MSH6: variants seen among roughly 807,000 people sequenced by gnomAD.
MSH6 encodes the protein DNA mismatch repair protein Msh6.
A neutral mutation model predicts 119.1 loss-of-function variants in MSH6; 85 were observed. That is an observed-to-expected ratio of 0.71 (90% CI 0.60 to 0.85). MSH6 has a LOEUF of 0.85. Among genes scored for constraint, MSH6 ranks in the 40% least tolerant of loss-of-function variants. MSH6 has a pLI of 0.00. For synonymous variants in MSH6, 830 were observed against 586.9 expected, an observed-to-expected ratio of 1.41 and a Z score of -5.99; for missense variants, 2,163 against 1,655.3, an observed-to-expected ratio of 1.31 and a Z score of -5.32.
chr2:47,784,231 G>C (rs1465994720), intron 1 of MSH6: 1 of 1,002,000 alleles, frequency 1.0e-6, no homozygotes, highest in Non-Finnish European at 1.2e-6. Flanking sequence ...ATCCGGCTGG[G>C]TCCTTCGGTA....
rs193922343 is a variant in MSH6, at chr2:47,806,253, TAAAG to T, written c.3699_3702del (p.Lys1233AsnfsTer6). 3 of 1,613,990 alleles carry T rather than the reference TAAAG, an allele frequency of 1.9e-6. No individual in the cohort carries two copies. Among genetic ancestry groups the T allele is most frequent in the African/African-American group, 1.3e-5 (1 of 74,934 alleles). On this transcript the variant is annotated frameshift_variant, in exon 8 of 10. Coordinates refer to ENST00000234420, the MANE Select transcript of MSH6 (RefSeq NM_000179.3). LOFTEE classifies it high-confidence loss of function. ...GGACGGCAATAGCAAATGCAGTTGT[TAAAG>T]AACTTGCTGAGACTATAAAATGTCG...
chr2:47,803,034 C>G (rs1669698812), intron 4 of MSH6, among the ~76,000 whole-genome samples: 1 of 152,148 alleles, frequency 6.6e-6, no homozygotes, highest in Non-Finnish European at 1.5e-5. Flanking sequence ...GCCTCAGCCT[C>G]CTGCGTAGCT....
In MSH6 at chr2:47,805,173, G is replaced by GTC. The variant is rs530262234; in HGVS notation, c.3556+156_3556+157dup. 3.3e-5 allele frequency: 21 copies of GTC among 637,570 alleles called. No individual in the cohort carries two copies. In the Admixed American group the frequency reaches 4.9e-4, roughly 15 times the overall value. The allele number at this position is 637,570 out of a possible 1,614,324, so 39.5% of individuals were successfully genotyped here. A position where few individuals can be genotyped will look rare whatever the true frequency, so the allele number is the denominator to read the frequency against. Reference sequence around the variant, plus strand: ...AACATCACTTTTTAAGAACTGCATAGTCTCTCTCTCTTTTTTTTTTTTTTG... The same window carrying GTC: ...AACATCACTTTTTAAGAACTGCATAGTCTCTCTCTCTCTTTTTTTTTTTTTTG... On this transcript the variant is annotated intron_variant, in intron 6 of 9. Coordinates refer to ENST00000234420, the MANE Select transcript of MSH6 (RefSeq NM_000179.3).
chr2:47,795,380 ATGT>A (rs1297294573), intron 2 of MSH6, among the ~76,000 whole-genome samples: 9 of 151,032 alleles, frequency 6.0e-5, no homozygotes, highest in Admixed American at 2.6e-4. Context: ...ATTAGGGCAA[ATGT>A]TGTAGGTTGA....
At chr2:47,803,971 T>C (rs989997596) in intron 5 of MSH6, among the ~76,000 whole-genome samples, 2 of 152,228 alleles carry the variant, frequency 1.3e-5, no homozygotes, top group African/African-American at 4.8e-5. Flanking sequence ...GGTATATTCA[T>C]AGTGAACAAA....
chr2:47,805,644 A>G lies in MSH6; in HGVS notation c.3583A>G (p.Ser1195Gly), dbSNP rs2104523211. 1.2e-6 allele frequency: 2 copies of G among 1,613,578 alleles called. No individual in the cohort carries two copies. The highest frequency in any genetic ancestry group is 1.7e-4 in the Middle Eastern group (1 of 6,054). ...SGESTFFVEL[S>G]ETASILMHAT... Reference sequence around the variant, plus strand: ...TGAAAGTACATTTTTTGTTGAATTAAGTGAAACTGCCAGCATACTCATGCA... The same window carrying G: ...TGAAAGTACATTTTTTGTTGAATTAGGTGAAACTGCCAGCATACTCATGCA... Residue 1195 changes from serine (S) to glycine (G), a missense_variant, in exon 7 of 10, where the codon AGT becomes GGT. Ser to Gly is a moderately conservative substitution (Grantham distance 56). Transcript: ENST00000234420.
chr2:47,786,815 T>TTGAATAATAGAGGTCTCACTTTGTTGCC (rs1306653227), intron 1 of MSH6, among the ~76,000 whole-genome samples: 1 of 152,142 alleles, frequency 6.6e-6, no homozygotes, highest in Non-Finnish European at 1.5e-5. Flanking sequence ...GTTGTTGTTG[T>TTGAATAATAGAGGTCTCACTTTGTTGCC]TGAATAATAG....
At chr2:47,791,545 A>T (rs1241813571) in intron 2 of MSH6, among the ~76,000 whole-genome samples, 1 of 152,108 alleles carries the variant, frequency 6.6e-6, no homozygotes, top group Admixed American at 6.6e-5. Context: ...GTTTCACACC[A>T]AACTCCTGGA....
At chr2:47,810,093 T>C (rs998497863), downstream of MSH6, 9 of 505,046 alleles carry the variant, frequency 1.8e-5, no homozygotes, top group Admixed American at 1.1e-4. Context: ...AAATGTTTCA[T>C]AATCACGACT....
Position 47,800,803 on chromosome 2 carries a change from T to A in MSH6, c.2820T>A (p.Ala940=), listed in dbSNP as rs878853722. 6.8e-6 allele frequency: 11 copies of A among 1,614,088 alleles called. No homozygotes were observed. Among genetic ancestry groups the A allele is most frequent in the East Asian group, 6.7e-5 (3 of 44,880 alleles). ...KAGFDSDYDQ[A]LADIRENEQS... ...GCTTTGACTCTGATTATGACCAAGC[T>A]CTTGCTGACATAAGAGAAAATGAAC... The change falls in exon 4 of 10, where the codon GCT becomes GCA. Residue 940 remains alanine, a synonymous_variant. Transcript: ENST00000234420.
chr2:47,785,594 T>C (rs1668303039), intron 1 of MSH6, among the ~76,000 whole-genome samples: 1 of 152,228 alleles, frequency 6.6e-6, no homozygotes, highest in East Asian at 1.9e-4. Context: ...AATTCTGAGA[T>C]TTTTCTAAGT....
In MSH6 at chr2:47,806,449, A is replaced by G. The variant is rs778499259; in HGVS notation, c.3802-3A>G. ...TGTATCGCTAATATTTTTCTTTCTT[A>G]AGGCATGCATGGTAGAAAATGAATG... On this transcript the variant is annotated splice_region_variant and splice_polypyrimidine_tract_variant and intron_variant, in intron 8 of 9. Transcript: ENST00000234420. 6.2e-7 allele frequency: 1 copy of G among 1,613,956 alleles called. No homozygotes were observed. The highest frequency in any genetic ancestry group is 1.7e-5 in the Admixed American group (1 of 59,996).
At chr2:47,790,866 A>G (rs1474205393) in intron 1 of MSH6, 61 bp from the exon 2 acceptor site, 6 of 1,456,612 alleles carry the variant, frequency 4.1e-6, no homozygotes, top group Non-Finnish European at 5.8e-6. Context: ...TTTGTAGGTA[A>G]CTGCCTTTAA....
intron 3 of MSH6, 57 bp downstream of exon 3, chr2:47,796,120 G>T: frequency 3.2e-6 from 5 of 1,578,154 alleles, no homozygotes; most frequent in Non-Finnish European, 4.4e-6. Context: ...GGGAAGAAAG[G>T]GGGAGGGTGT....
At chr2:47,802,954 C>T (rs970971908) in intron 4 of MSH6, among the ~76,000 whole-genome samples, 5 of 152,126 alleles carry the variant, frequency 3.3e-5, no homozygotes, top group Admixed American at 2.0e-4. Context: ...CTCTGTCGCC[C>T]AGGCTGGAGT....
Position 47,805,027 on chromosome 2 carries a change from G to A in MSH6, c.3556G>A (p.Gly1186Ser), listed in dbSNP as rs1060502909. Reference sequence around the variant, plus strand: ...TGGTGCCTCAGACAGAATAATGTCAGGTGAGTTTTTTGTTTCCCACTTAAG... The same window carrying A: ...TGGTGCCTCAGACAGAATAATGTCAAGTGAGTTTTTTGTTTCCCACTTAAG... ...RLGASDRIMS[G>S]ESTFFVELSE... Residue 1186 changes from glycine to serine, a missense_variant and splice_region_variant, in exon 6 of 10, where the codon GGT becomes AGT. Physicochemically the swap from Gly to Ser is moderately conservative, Grantham distance 56. Transcript: ENST00000234420. 1 of 1,607,238 alleles carries A rather than the reference G, an allele frequency of 6.2e-7. No homozygotes were observed. Among genetic ancestry groups the A allele is most frequent in the African/African-American group, 1.3e-5 (1 of 74,744 alleles).
intron 2 of MSH6, among the ~76,000 whole-genome samples, chr2:47,792,032 G>C (rs1668761095): frequency 6.6e-6 from 1 of 152,124 alleles, no homozygotes; most frequent in African/African-American, 2.4e-5. Flanking sequence ...TTCTAGTAGA[G>C]ATGGGGTTTC....
intron 1 of MSH6, among the ~76,000 whole-genome samples, chr2:47,786,692 T>C (rs1668371573): frequency 6.6e-6 from 1 of 152,050 alleles, no homozygotes; most frequent in African/African-American, 2.4e-5. Context: ...TTTCTTCTTG[T>C]GCTGAAGTGT....
chr2:47,806,785 T>G lies in MSH6; in HGVS notation c.4008T>G (p.Val1336=), dbSNP rs1553333982. The G allele has an allele frequency of 1.9e-6, 3 of 1,605,178 alleles. No individual in the cohort carries two copies. In the South Asian group the frequency reaches 3.4e-5, roughly 18 times the overall value. ...MNQSLRLFRE[V]CLASERSTVD... ...TTTTTTTTTTAATTTTAAGGGAAGT[T>G]TGCCTGGCTAGTGAAAGGTCAACTG... is the stretch of plus-strand genomic sequence containing the variant. The change falls in exon 10 of 10, where the codon GTT becomes GTG. Residue 1336 remains valine (V), a synonymous_variant. Transcript: ENST00000234420.
Sources: gnomAD v4.1 joint callset for allele counts (sites outside exome capture counted in the v4.1 genomes callset) on GRCh38, gnomAD v4.1.1 for gene constraint, MANE v1.5 for transcripts, NCBI Gene and HGNC (gene_info 2026-07-23, HGNC 2026-07-21) for gene names.